CRB1: variants seen among roughly 807,000 people sequenced by gnomAD.
CRB1 encodes the protein protein crumbs homolog 1.
In CRB1, 83 loss-of-function variants were observed where a neutral mutation model predicts 120.0. The observed-to-expected ratio is 0.69, with a 90% CI of 0.58 to 0.83. The LOEUF (loss-of-function observed/expected upper bound fraction) is 0.83. Among genes scored for constraint, CRB1 ranks in the 40% least tolerant of loss-of-function variants. The probability of loss-of-function intolerance (pLI) is 0.00; values close to 1 mark genes in which losing one functional copy is unlikely to be tolerated. For missense variants in CRB1, 1,699 were observed against 1,687.6 expected, an observed-to-expected ratio of 1.01 and a Z score of -0.12; for synonymous variants, 625 against 612.5, an observed-to-expected ratio of 1.02 and a Z score of -0.30.
intron 10 of CRB1, 68 bp from the exon 11 acceptor site, chr1:197,442,098 T>C (rs546438663): frequency 1.6e-5 from 26 of 1,607,278 alleles, no homozygotes; most frequent in Admixed American, 3.3e-5. Context: ...GGCAAACTTT[T>C]TCTTCCCATT....
At chr1:197,397,275 A>G (rs1662819336) in intron 5 of CRB1, among the ~76,000 whole-genome samples, 1 of 152,110 alleles carries the variant, frequency 6.6e-6, no homozygotes. Flanking sequence ...GTGTTGAGAG[A>G]GAGAAGGAAG....
At chr1:197,379,080 G>T (rs932449354) in intron 5 of CRB1, among the ~76,000 whole-genome samples, 1 of 152,184 alleles carries the variant, frequency 6.6e-6, no homozygotes, top group Non-Finnish European at 1.5e-5. Flanking sequence ...TGTGATTAGA[G>T]TTGTTTGTGG....
At chr1:197,391,599 G>A (rs1045119568) in intron 5 of CRB1, among the ~76,000 whole-genome samples, 3 of 152,030 alleles carry the variant, frequency 2.0e-5, no homozygotes, top group Non-Finnish European at 4.4e-5. Context: ...ACCACACAGT[G>A]GCAGGCATCT....
At chr1:197,458,169 G>A (rs934721678) in intron 11 of CRB1, among the ~76,000 whole-genome samples, 1 of 151,978 alleles carries the variant, frequency 6.6e-6, no homozygotes, top group African/African-American at 2.4e-5. Context: ...ATTTTTGAAG[G>A]GGCCCTAAGC....
At chr1:197,426,873 G>C (rs772376984) in intron 6 of CRB1, among the ~76,000 whole-genome samples, 2 of 152,138 alleles carry the variant, frequency 1.3e-5, no homozygotes, top group Non-Finnish European at 1.5e-5. Context: ...CTGAAGTTTA[G>C]AAAGGTTATG....
chr1:197,208,803 G>A, the CRB1 span, among the ~76,000 whole-genome samples: 2 of 152,200 alleles, frequency 1.3e-5, no homozygotes, highest in East Asian at 3.9e-4. Context: ...AAAGAACTAT[G>A]TGCATTGTCT....
chr1:197,342,061 A>C (rs1659496948), intron 2 of CRB1, among the ~76,000 whole-genome samples: 1 of 152,228 alleles, frequency 6.6e-6, no homozygotes, highest in Non-Finnish European at 1.5e-5. Flanking sequence ...GAATGATGAC[A>C]GAATTTTAAT....
Position 197,372,934 on chromosome 1 carries a change from G to C in CRB1, c.1171+15921G>C, listed in dbSNP as rs143068581. 1.2e-3 allele frequency among the ~76,000 whole-genome samples: 183 copies of C among 152,202 alleles called. 3 individuals carry two copies. In the East Asian group the frequency reaches 0.027, roughly 22 times the overall value. Reference sequence around the variant, plus strand: ...TGAGTTTAGATTGTCAACTGCAGCTGCTCCTAGATTCAGCTAGACCATACA... The same window carrying C: ...TGAGTTTAGATTGTCAACTGCAGCTCCTCCTAGATTCAGCTAGACCATACA... On this transcript the variant is annotated intron_variant, in intron 5 of 11. Coordinates refer to ENST00000367400, the MANE Select transcript of CRB1 (RefSeq NM_201253.3).
intron 11 of CRB1, among the ~76,000 whole-genome samples, chr1:197,459,577 T>C (rs1666431633): frequency 6.6e-6 from 1 of 152,138 alleles, no homozygotes; most frequent in African/African-American, 2.4e-5. Flanking sequence ...ATCCCATTCA[T>C]GAAGGCTCTA....
chr1:197,436,711 A>G (rs1665177946), intron 9 of CRB1, among the ~76,000 whole-genome samples: 1 of 152,132 alleles, frequency 6.6e-6, no homozygotes, highest in Non-Finnish European at 1.5e-5. Context: ...ATACTGTGAT[A>G]ATCATTTGTA....
At position 197,408,341 on chromosome 1, in the gene CRB1, G is replaced by A. The variant is rs567194186; in HGVS notation, c.1172-12659G>A. ...AAGAAAGTTGGGATTTTGAAAAAAC[G>A]AAAGAGAGAGAGAAAACTTTGAATG... is the stretch of plus-strand genomic sequence containing the variant. On this transcript the variant is annotated intron_variant, in intron 5 of 11. Transcript: ENST00000367400. Among the ~76,000 whole-genome samples, 3 of 152,142 alleles carry A rather than the reference G, an allele frequency of 2.0e-5. No individual in the cohort carries two copies. The East Asian group carries it at 5.8e-4, about 29-fold the overall frequency.
the CRB1 span, among the ~76,000 whole-genome samples, chr1:197,207,574 C>G: frequency 1.3e-5 from 2 of 152,152 alleles, no homozygotes; most frequent in African/African-American, 2.4e-5. Context: ...AGGGTTTCTG[C>G]TGAGAAATCT....
chr1:197,396,446 A>ATT (rs961558056), intron 5 of CRB1, among the ~76,000 whole-genome samples: 2 of 151,496 alleles, frequency 1.3e-5, no homozygotes, highest in African/African-American at 4.8e-5. Context: ...TATCAATAGG[A>ATT]TTTTTTTTTG....
At chr1:197,233,889 C>T in the CRB1 span, among the ~76,000 whole-genome samples, 1 of 152,200 alleles carries the variant, frequency 6.6e-6, no homozygotes, top group African/African-American at 2.4e-5. Context: ...TCCAGAATTC[C>T]CCCAGTTGAG....
chr1:197,344,216 A>T (rs1659633969), intron 2 of CRB1, 65 bp from the exon 3 acceptor site: 1 of 1,488,864 alleles, frequency 6.7e-7, no homozygotes, highest in African/African-American at 1.4e-5. Flanking sequence ...GCATTGTCAA[A>T]TTGCTAAATT....
At chr1:197,443,631 TC>T (rs1045476439) in intron 11 of CRB1, 27 of 151,828 alleles carry the variant, frequency 1.8e-4, no homozygotes, top group African/African-American at 6.5e-4. Context: ...TTCTTAAGTA[TC>T]TTTCAGAAAA....
At chr1:197,219,209 C>T in the CRB1 span, among the ~76,000 whole-genome samples, 95 of 152,286 alleles carry the variant, frequency 6.2e-4, 3 homozygotes, top group South Asian at 0.02. Context: ...AAAAATCTGA[C>T]TCATAATTTT....
At chr1:197,230,667 G>A in the CRB1 span, among the ~76,000 whole-genome samples, 1 of 152,138 alleles carries the variant, frequency 6.6e-6, no homozygotes, top group Admixed American at 6.5e-5. Flanking sequence ...GTGAAAGGAA[G>A]TAATAGGTAG....
intron 5 of CRB1, among the ~76,000 whole-genome samples, chr1:197,380,228 G>A (rs369167308): frequency 1.3e-5 from 2 of 152,246 alleles, no homozygotes; most frequent in African/African-American, 4.8e-5. Flanking sequence ...CATTTTTGGG[G>A]TGGGAGGTTA....
Sources: allele counts gnomAD v4.1 joint callset (sites outside exome capture counted in the v4.1 genomes callset), GRCh38; gene constraint gnomAD v4.1.1; transcripts MANE v1.5; gene names NCBI Gene and HGNC (gene_info 2026-07-23, HGNC 2026-07-21).